Variants in SPTBN4 observed in about 807,000 individuals in gnomAD.
SPTBN4 encodes spectrin beta chain, non-erythrocytic 4.
Under a neutral mutation model 277.8 loss-of-function variants are expected in SPTBN4, and 96 were observed. The ratio of observed to expected loss-of-function variants is 0.35; its 90% CI spans 0.29 to 0.41. SPTBN4 has a LOEUF of 0.41. Among genes scored for constraint, SPTBN4 ranks in the 10% least tolerant of loss-of-function variants. The pLI is 1.00. For missense variants in SPTBN4, 3,006 were observed against 3,595.7 expected (o/e 0.84, Z 4.19); for synonymous variants, 1,481 against 1,580.3 (o/e 0.94, Z 1.49).
Position 40,489,499 on chromosome 19 carries a change from G to T in SPTBN4, c.322-576G>T, listed in dbSNP as rs559741697. 3.3e-5 allele frequency among the ~76,000 whole-genome samples: 5 copies of T among 152,184 alleles called. No homozygotes were observed. In the South Asian group the frequency reaches 1.0e-3, roughly 32 times the overall value. The stretch of plus-strand genomic sequence containing the variant: ...CTTCCCGGGTTCAAAGGATTCTCCT[G>T]CCTCATCCTCCCGAGTACCTAGGAT... On this transcript the variant is annotated intron_variant, in intron 3 of 35. Transcript: ENST00000598249.
intron 16 of SPTBN4, among the ~76,000 whole-genome samples, chr19:40,522,174 G>A (rs760982763): frequency 7.3e-5 from 11 of 151,712 alleles, no homozygotes; most frequent in Admixed American, 1.3e-4. Flanking sequence ...CTACAGGCAC[G>A]TGCCACCATG....
intron 20 of SPTBN4, among the ~76,000 whole-genome samples, chr19:40,537,236 G>T (rs1011833323): frequency 2.0e-5 from 3 of 152,038 alleles, no homozygotes; most frequent in Non-Finnish European, 2.9e-5. Flanking sequence ...TCTCGAACTC[G>T]TGGCCTCAGG....
rs555148428 is a variant in SPTBN4 at position 40,520,007 on chromosome 19, A to G, written c.3510A>G (p.Leu1170=). 6 of 1,562,448 alleles carry G rather than the reference A, an allele frequency of 3.8e-6. No homozygotes were observed. The South Asian group carries it at 5.9e-5, about 15-fold the overall frequency. ...CAGAGCTGGGCCCGGGCCTGGCACT[A>G]GACGAGTGGCTGCCACACCTCGAAC... The part of the protein sequence containing the change: ...DGAELGPGLA[L]DEWLPHLELG... The change falls in exon 16 of 36, where the codon CTA becomes CTG. Residue 1170 remains leucine, a synonymous_variant. Coordinates refer to ENST00000598249, the MANE Select transcript of SPTBN4 (RefSeq NM_020971.3).
At chr19:40,517,852 G>T (rs1243779510) in intron 15 of SPTBN4, among the ~76,000 whole-genome samples, 1 of 152,110 alleles carries the variant, frequency 6.6e-6, no homozygotes, top group Non-Finnish European at 1.5e-5. Context: ...TTTGCCCAAG[G>T]TCACATGGCA....
intron 2 of SPTBN4, among the ~76,000 whole-genome samples, chr19:40,475,159 C>G (rs2079933264): frequency 6.6e-6 from 1 of 152,192 alleles, no homozygotes; most frequent in African/African-American, 2.4e-5. Context: ...TCATAGAGGT[C>G]TGGAACCTTA....
chr19:40,479,826 G>T (rs575123814), intron 2 of SPTBN4, among the ~76,000 whole-genome samples: 41 of 151,514 alleles, frequency 2.7e-4, no homozygotes, highest in Middle Eastern at 3.4e-3. Context: ...ATACAATGGG[G>T]TGTGGTGACT....
chr19:40,502,580 A>C lies in SPTBN4; in HGVS notation c.1203+73A>C. 1 of 1,464,756 alleles carries C rather than the reference A, an allele frequency of 6.8e-7. No homozygotes were observed. Among genetic ancestry groups the C allele is most frequent in the Non-Finnish European group, 9.3e-7 (1 of 1,079,472 alleles). The allele number at this position is 1,464,756 out of a possible 1,614,324, so 90.7% of individuals were successfully genotyped here. On this transcript the variant is annotated intron_variant, in intron 10 of 35. Transcript: ENST00000598249. The surrounding 1 kb of genome is among the most constrained non-coding windows in gnomAD (Gnocchi z 4.9). ...TATAGGTTGCACACTGCTCAAGGGA[A>C]TCATTCACATTGTAGACATGATGGA...
chr19:40,470,049 A>C (rs2079867508), intron 1 of SPTBN4, among the ~76,000 whole-genome samples: 1 of 151,856 alleles, frequency 6.6e-6, no homozygotes, highest in South Asian at 2.1e-4. Flanking sequence ...CCCAGGCTGG[A>C]GTGCAGTGGC....
In SPTBN4 at chr19:40,575,580, C is replaced by T. The variant is rs567353925; in HGVS notation, c.*11C>T. 15 of 1,605,190 alleles carry T rather than the reference C, an allele frequency of 9.3e-6. No homozygotes were observed. The African/African-American group carries it at 1.2e-4, about 13-fold the overall frequency. On this transcript the variant is annotated 3_prime_UTR_variant, in exon 36 of 36. Coordinates refer to ENST00000598249, the MANE Select transcript of SPTBN4 (RefSeq NM_020971.3). ...GGGCGCAGGAAGTGACTTCCCACCC[C>T]CAGGACCTGACACATCTCGTCTCCC...
intron 22 of SPTBN4, among the ~76,000 whole-genome samples, chr19:40,550,914 A>C (rs2080911588): frequency 6.6e-6 from 1 of 152,188 alleles, no homozygotes; most frequent in Non-Finnish European, 1.5e-5. Context: ...CCCACCAGCA[A>C]AACTGAAGAG....
At position 40,497,533 on chromosome 19, in the gene SPTBN4, A is replaced by G. The variant is rs1268064252; in HGVS notation, c.713A>G (p.Asn238Ser). 5 of 1,613,990 alleles carry G rather than the reference A, an allele frequency of 3.1e-6. No homozygotes were observed. The highest frequency in any genetic ancestry group is 1.1e-5 in the South Asian group (1 of 91,080). Residue 238 changes from asparagine to serine, a missense_variant, in exon 7 of 36, where the codon AAC becomes AGC. This residue lies in a region of SPTBN4 where 1,759 missense variants were observed against 2,061.5 expected (regional missense o/e 0.85). Transcript: ENST00000598249. Reference protein sequence around the residue: ...DFSKLTKSNANYNLQRAFRTA... With the variant: ...DFSKLTKSNASYNLQRAFRTA... ...AGCAAACTCACCAAGTCCAATGCCA[A>G]CTACAACCTGCAGAGAGCCTTCCGC...
chr19:40,498,969 T>G lies in SPTBN4; in HGVS notation c.784+1365T>G, dbSNP rs537531192. Among the ~76,000 whole-genome samples the G allele has an allele frequency of 1.3e-4, 20 of 152,190 alleles. 1 individual carries two copies. The South Asian group carries it at 4.1e-3, about 32-fold the overall frequency. Reference sequence around the variant, plus strand: ...TGCCCACTTTAGCCTCCTAAAGTGCTGGAATTATAGGTGTGAGCCACCGTG... The same window carrying G: ...TGCCCACTTTAGCCTCCTAAAGTGCGGGAATTATAGGTGTGAGCCACCGTG... On this transcript the variant is annotated intron_variant, in intron 7 of 35. Coordinates refer to ENST00000598249, the MANE Select transcript of SPTBN4 (RefSeq NM_020971.3).
chr19:40,491,969 C>T (rs570448887), intron 4 of SPTBN4, among the ~76,000 whole-genome samples: 4 of 151,814 alleles, frequency 2.6e-5, no homozygotes, highest in African/African-American at 9.7e-5. Flanking sequence ...TTGCGGTGAG[C>T]TGAGATCACA....
In SPTBN4 at chr19:40,569,782, G is replaced by A. The variant is rs2081132079; in HGVS notation, c.7026+56G>A. On this transcript the variant is annotated intron_variant, in intron 32 of 35. Coordinates refer to ENST00000598249, the MANE Select transcript of SPTBN4 (RefSeq NM_020971.3). ...GAGGACCCCTTTTTCAGAGCAGGAG[G>A]CAGGATCTCAGAAACAGCCAGTGCC... is the stretch of plus-strand genomic sequence containing the variant. 5.2e-6 allele frequency: 8 copies of A among 1,538,120 alleles called. No homozygotes were observed. In the South Asian group the frequency reaches 9.4e-5, roughly 18 times the overall value.
intron 4 of SPTBN4, among the ~76,000 whole-genome samples, chr19:40,492,653 G>A (rs2080152132): frequency 6.6e-6 from 1 of 152,158 alleles, no homozygotes; most frequent in South Asian, 2.1e-4. Context: ...GGAGTGGGGA[G>A]ATCAGCATGA....
chr19:40,511,852 A>G (rs1393382897), intron 13 of SPTBN4, among the ~76,000 whole-genome samples: 3 of 152,172 alleles, frequency 2.0e-5, no homozygotes, highest in African/African-American at 7.2e-5. Flanking sequence ...GGCCGGTGGC[A>G]GTGGCTCATG....
chr19:40,477,532 C>G (rs953853852), intron 2 of SPTBN4, among the ~76,000 whole-genome samples: 1 of 152,088 alleles, frequency 6.6e-6, no homozygotes, highest in African/African-American at 2.4e-5. Flanking sequence ...AGGGGAGGCA[C>G]AGGCAGAGAG....
At chr19:40,550,175 A>T in intron 21 of SPTBN4, 63 bp from the exon 22 acceptor site, 1 of 1,412,422 alleles carries the variant, frequency 7.1e-7, no homozygotes, top group Non-Finnish European at 9.9e-7. Flanking sequence ...TTTAAAGTTT[A>T]GTTGCGATGC....
At chr19:40,564,075 C>T (rs978830202) in intron 27 of SPTBN4, among the ~76,000 whole-genome samples, 4 of 151,884 alleles carry the variant, frequency 2.6e-5, no homozygotes, top group African/African-American at 9.7e-5. Flanking sequence ...CAAACAAAGG[C>T]TGGGTGCGGT....
Sources: gnomAD v4.1 joint callset for allele counts (sites outside exome capture counted in the v4.1 genomes callset) on GRCh38, gnomAD v4.1.1 for gene constraint, gnomAD v4.1.1 regional missense constraint, Gnocchi (gnomAD v3.1) non-coding constraint, MANE v1.5 for transcripts, NCBI Gene and HGNC (gene_info 2026-07-23, HGNC 2026-07-21) for gene names.